The following MAP6 variants were observed in gnomAD, a reference collection of about 807,000 sequenced individuals.
MAP6 encodes microtubule associated protein 6, also known as microtubule-associated protein 6.
A neutral mutation model predicts 42.4 loss-of-function variants in MAP6; 26 were observed. The ratio of observed to expected loss-of-function variants is 0.61; its 90% CI spans 0.45 to 0.85. MAP6 has a LOEUF of 0.85. Ranked by LOEUF, MAP6 falls within the 40% of genes least tolerant of loss-of-function variation. The pLI is 0.00. For synonymous variants in MAP6, 418 were observed against 443.8 expected (o/e 0.94, Z 0.73); for missense variants, 966 against 1,099.0 (o/e 0.88, Z 1.71).
intron 2 of MAP6, 83 bp downstream of exon 2, chr11:75,608,026 G>T: frequency 7.3e-7 from 1 of 1,367,596 alleles, no homozygotes; most frequent in Non-Finnish European, 1.0e-6. Context: ...GGCCAGATTT[G>T]ACAGCAGCCC....
chr11:75,635,863 G>A (rs1943359983), intron 1 of MAP6: 1 of 152,272 alleles, frequency 6.6e-6, no homozygotes, highest in Non-Finnish European at 1.5e-5. Flanking sequence ...TGCCAGGCAT[G>A]AGATACTGAA....
At chr11:75,661,358 C>T (rs1215763363) in intron 1 of MAP6, among the ~76,000 whole-genome samples, 1 of 151,918 alleles carries the variant, frequency 6.6e-6, no homozygotes, top group Non-Finnish European at 1.5e-5. Context: ...ATAGGTATAA[C>T]CTTGATTCCA....
chr11:75,667,881 C>T lies in MAP6; in HGVS notation c.489G>A (p.Trp163Ter). 6.9e-7 allele frequency: 1 copy of T among 1,445,970 alleles called. No homozygotes were observed. The highest frequency in any genetic ancestry group is 9.1e-7 in the Non-Finnish European group (1 of 1,096,580). The allele number at this position is 1,445,970 out of a possible 1,614,324, so 89.6% of individuals were successfully genotyped here. The change falls in exon 1 of 4, where the codon TGG becomes TGA. Residue 163 changes from tryptophan to a stop codon, truncating the protein, a stop_gained. Transcript: ENST00000304771. LOFTEE classifies it high-confidence loss of function. The surrounding 1 kb of genome is among the most constrained non-coding windows in gnomAD (Gnocchi z 5.6). ...GGTGGTCCCCGCGGCGCGGCAGCGG[C>T]CAGGCGCGGAAGTCCTTCTGGTACT... ...ETQYQKDFRA[W>*]PLPRRGDHPW...
At chr11:75,596,814 T>A (rs629176) in intron 3 of MAP6, among the ~76,000 whole-genome samples, 108,100 of 150,932 alleles carry the variant, frequency 0.72, 38,638 homozygotes, top group African/African-American at 0.78. Flanking sequence ...CAAACTCAGC[T>A]TCTCTGACCT....
At chr11:75,592,236 C>G (rs1235371115) in intron 3 of MAP6, among the ~76,000 whole-genome samples, 2 of 152,180 alleles carry the variant, frequency 1.3e-5, no homozygotes, top group African/African-American at 4.8e-5. Flanking sequence ...TGCTGCAGCA[C>G]CGTCTCACAG....
At chr11:75,589,404 T>A (rs1222496577) in intron 3 of MAP6, among the ~76,000 whole-genome samples, 2 of 152,120 alleles carry the variant, frequency 1.3e-5, no homozygotes, top group Non-Finnish European at 2.9e-5. Flanking sequence ...GTCGAGAGAG[T>A]GGCATTGCTC....
In MAP6 at chr11:75,605,875, T is replaced by G. The variant is rs770202704; in HGVS notation, c.1249A>C (p.Ser417Arg). The stretch of plus-strand genomic sequence containing the variant: ...TCCTTGTCGTCTGGCTTGGTGGTAC[T>G]CGGGCCCTCCGCGCTCTTTTTCTTG... ...AAKKKSAEGPSTTKPDDKEQS... is the reference protein window; with the variant it reads ...AAKKKSAEGPRTTKPDDKEQS... The change falls in exon 3 of 4, where the codon AGT (serine) becomes CGT (arginine). Residue 417 changes from serine (S) to arginine (R), a missense_variant. Ser to Arg is a moderately radical substitution (Grantham distance 110). Around this residue, in one of 2 missense-constraint regions of MAP6, gnomAD observed 943 missense variants for 1,049.9 expected, o/e 0.90. Coordinates refer to ENST00000304771, the MANE Select transcript of MAP6 (RefSeq NM_033063.2). The G allele has an allele frequency of 6.2e-7, 1 of 1,614,200 alleles. No individual in the cohort carries two copies. The highest frequency in any genetic ancestry group is 8.5e-7 in the Non-Finnish European group (1 of 1,180,038).
intron 1 of MAP6, among the ~76,000 whole-genome samples, chr11:75,653,831 G>A (rs1943692193): frequency 6.6e-6 from 1 of 152,184 alleles, no homozygotes; most frequent in Admixed American, 6.5e-5. Flanking sequence ...TGTGTGCAAT[G>A]AGAAGGGCAA....
chr11:75,611,022 C>T (rs1266894375), intron 1 of MAP6, among the ~76,000 whole-genome samples: 1 of 152,216 alleles, frequency 6.6e-6, no homozygotes, highest in Non-Finnish European at 1.5e-5. Flanking sequence ...TAGGTTCAAT[C>T]CTCCTTCCTG....
intron 1 of MAP6, among the ~76,000 whole-genome samples, chr11:75,657,401 A>G (rs1943770335): frequency 6.6e-6 from 1 of 152,246 alleles, no homozygotes; most frequent in East Asian, 1.9e-4. Context: ...GTGAGCCACC[A>G]TGCCCAGCCT....
rs960771886 is a variant in MAP6, at chr11:75,667,873, G to C, written c.497C>G (p.Pro166Arg). The C allele has an allele frequency of 6.9e-7, 1 of 1,445,376 alleles. No homozygotes were observed. Among genetic ancestry groups the C allele is most frequent in the Non-Finnish European group, 9.1e-7 (1 of 1,096,218 alleles). 89.5% of individuals were successfully genotyped at this position (1,445,376 alleles called of 1,614,324 possible). A position where few individuals can be genotyped will look rare whatever the true frequency, so the allele number is the denominator to read the frequency against. The change falls in exon 1 of 4, where the codon CCG becomes CGG. Residue 166 changes from proline (P) to arginine (R), a missense_variant. Transcript: ENST00000304771. The surrounding 1 kb of genome is among the most constrained non-coding windows in gnomAD (Gnocchi z 5.6). ...YQKDFRAWPL[P>R]RRGDHPWIPK... ...GATCCACGGGTGGTCCCCGCGGCGCGGCAGCGGCCAGGCGCGGAAGTCCTT... is the reference window on the plus strand; with the variant it reads ...GATCCACGGGTGGTCCCCGCGGCGCCGCAGCGGCCAGGCGCGGAAGTCCTT...
Position 75,587,608 on chromosome 11 carries a change from C to A in MAP6, c.1893G>T (p.Met631Ile). 1 of 1,614,122 alleles carries A rather than the reference C, an allele frequency of 6.2e-7. No homozygotes were observed. Among genetic ancestry groups the A allele is most frequent in the Non-Finnish European group, 8.5e-7 (1 of 1,180,028 alleles). ...VPAPVKDEGP[M>I]VSAPIKDQDP... ...CTTGATCCTTGATAGGTGCTGAGACCATGGGACCTTCATCCTTGACAGGTG... is the reference window on the plus strand; with the variant it reads ...CTTGATCCTTGATAGGTGCTGAGACAATGGGACCTTCATCCTTGACAGGTG... Residue 631 changes from methionine (M) to isoleucine (I), a missense_variant, in exon 4 of 4, where the codon ATG becomes ATT. Physicochemically the swap from Met to Ile is conservative, Grantham distance 10. Around this residue, in one of 2 missense-constraint regions of MAP6, gnomAD observed 943 missense variants for 1,049.9 expected, o/e 0.90. Coordinates refer to ENST00000304771, the MANE Select transcript of MAP6 (RefSeq NM_033063.2).
At chr11:75,639,881 T>C (rs1449653922) in intron 1 of MAP6, among the ~76,000 whole-genome samples, 1 of 152,214 alleles carries the variant, frequency 6.6e-6, no homozygotes, top group Non-Finnish European at 1.5e-5. Context: ...AGAGGCTTCC[T>C]CTGGGTGCCC....
intron 3 of MAP6, among the ~76,000 whole-genome samples, chr11:75,591,487 C>T (rs1371505075): frequency 6.6e-6 from 1 of 152,210 alleles, no homozygotes; most frequent in Admixed American, 6.5e-5. Flanking sequence ...GCCCCACCTC[C>T]TCCGTGAGGC....
At position 75,587,041 on chromosome 11, in the gene MAP6, T is replaced by TGTGTCAAGGGGTGA; in HGVS notation, c.*4_*17dup. 6.5e-7 allele frequency: 1 copy of TGTGTCAAGGGGTGA among 1,537,618 alleles called. No homozygotes were observed. The highest frequency in any genetic ancestry group is 1.3e-5 in the South Asian group (1 of 77,098). On this transcript the variant is annotated 3_prime_UTR_variant, in exon 4 of 4. Transcript: ENST00000304771. Reference sequence around the variant, plus strand: ...CTCTCACTGTCAGCTCCTTCATTGGTGTGTCAAGGGGTGAGTGTCAAGGGG... The same window carrying TGTGTCAAGGGGTGA: ...CTCTCACTGTCAGCTCCTTCATTGGTGTGTCAAGGGGTGAGTGTCAAGGGGTGAGTGTCAAGGGG...
intron 1 of MAP6, among the ~76,000 whole-genome samples, chr11:75,622,901 C>T (rs1943133233): frequency 6.6e-6 from 1 of 152,054 alleles, no homozygotes; most frequent in African/African-American, 2.4e-5. Flanking sequence ...TTTAATGAAC[C>T]GATTGTTAAA....
At chr11:75,635,644 C>T (rs1015426139) in intron 1 of MAP6, among the ~76,000 whole-genome samples, 3 of 152,244 alleles carry the variant, frequency 2.0e-5, no homozygotes, top group African/African-American at 7.2e-5. Flanking sequence ...AGCAGCCAAG[C>T]TGTGACTCGA....
At chr11:75,589,406 G>A (rs1942435290) in intron 3 of MAP6, among the ~76,000 whole-genome samples, 1 of 152,180 alleles carries the variant, frequency 6.6e-6, no homozygotes, top group Non-Finnish European at 1.5e-5. Flanking sequence ...CGAGAGAGTG[G>A]CATTGCTCAG....
rs1344772611 is a variant in MAP6 at position 75,667,849 on chromosome 11, A to G, written c.521T>C (p.Ile174Thr). The G allele has an allele frequency of 1.4e-6, 2 of 1,431,300 alleles. No individual in the cohort carries two copies. Among genetic ancestry groups the G allele is most frequent in the Admixed American group, 2.4e-5 (1 of 42,466 alleles). 88.7% of individuals were successfully genotyped at this position (1,431,300 alleles called of 1,614,324 possible). A position where few individuals can be genotyped will look rare whatever the true frequency, so the allele number is the denominator to read the frequency against. Residue 174 changes from isoleucine (I) to threonine (T), a missense_variant, in exon 1 of 4, where the codon ATC becomes ACC. Physicochemically the swap from Ile to Thr is moderately conservative, Grantham distance 89 (BLOSUM62 -1). This residue lies in a region of MAP6 where 943 missense variants were observed against 1,049.9 expected (regional missense o/e 0.90). Transcript: ENST00000304771. This position sits in a 1 kb window ranked among gnomAD's most constrained non-coding sequence, Gnocchi z 5.6. The part of the protein sequence containing the change: ...PLPRRGDHPW[I>T]PKPVQISAAS... The stretch of plus-strand genomic sequence containing the variant: ...CGCAGAGATCTGCACGGGCTTGGGG[A>G]TCCACGGGTGGTCCCCGCGGCGCGG...
Sources: allele counts gnomAD v4.1 joint callset (sites outside exome capture counted in the v4.1 genomes callset), GRCh38; gene constraint gnomAD v4.1.1; regional missense constraint gnomAD v4.1.1; non-coding constraint Gnocchi (gnomAD v3.1); transcripts MANE v1.5; gene names NCBI Gene and HGNC (gene_info 2026-07-23, HGNC 2026-07-21).